Variants in MAP7 observed in about 807,000 individuals in gnomAD.
MAP7 encodes the protein ensconsin.
Under a neutral mutation model 94.8 loss-of-function variants are expected in MAP7, and 52 were observed. The observed-to-expected ratio is 0.55, with a 90% CI of 0.44 to 0.69. The LOEUF is 0.69. Ranked by LOEUF, MAP7 falls within the 30% of genes least tolerant of loss-of-function variation. The pLI is 0.00. For missense variants in MAP7, 940 were observed against 964.6 expected (o/e 0.97, Z 0.34); for synonymous variants, 350 against 357.0 (o/e 0.98, Z 0.22).
chr6:136,469,795 CA>C (rs2076124018), intron 1 of MAP7, among the ~76,000 whole-genome samples: 1 of 152,158 alleles, frequency 6.6e-6, no homozygotes, highest in African/African-American at 2.4e-5. Context: ...AAATGGAAAT[CA>C]AGGGGAAATA....
At chr6:136,406,916 C>A (rs1344573974) in intron 3 of MAP7, among the ~76,000 whole-genome samples, 1 of 152,170 alleles carries the variant, frequency 6.6e-6, no homozygotes, top group East Asian at 1.9e-4. Flanking sequence ...TTCTGAGATC[C>A]TCTCAGTTAC....
chr6:136,365,664 A>G lies in MAP7; in HGVS notation c.1273+71T>C, dbSNP rs1295231636. ...CCAATAAAAGAAGAAAAGGAAAACA[A>G]AAAAAGCTTCATCAAAACAGTGCGG... On this transcript the variant is annotated intron_variant, in intron 10 of 17. Transcript: ENST00000354570. 12 of 1,511,914 alleles carry G rather than the reference A, an allele frequency of 7.9e-6. No homozygotes were observed. The East Asian group carries it at 2.7e-4, about 34-fold the overall frequency. 93.7% of individuals were successfully genotyped at this position (1,511,914 alleles called of 1,614,324 possible).
intron 1 of MAP7, among the ~76,000 whole-genome samples, chr6:136,523,341 T>C (rs984070085): frequency 5.9e-5 from 9 of 152,208 alleles, no homozygotes; most frequent in African/African-American, 2.2e-4. Flanking sequence ...AACGTAACAA[T>C]GCTACAGACC....
chr6:136,498,446 T>C (rs1036111154), intron 1 of MAP7, among the ~76,000 whole-genome samples: 2 of 152,072 alleles, frequency 1.3e-5, no homozygotes, highest in Non-Finnish European at 2.9e-5. Flanking sequence ...TGTACTTTTC[T>C]TTCCAACTGA....
At chr6:136,406,546 T>A (rs772193339) in intron 3 of MAP7, among the ~76,000 whole-genome samples, 24 of 152,114 alleles carry the variant, frequency 1.6e-4, no homozygotes, top group Non-Finnish European at 3.4e-4. Flanking sequence ...AGGGGCTGGG[T>A]GTGGTGGCTC....
chr6:136,456,362 A>G (rs1034393673), intron 1 of MAP7, among the ~76,000 whole-genome samples: 1 of 152,134 alleles, frequency 6.6e-6, no homozygotes, highest in East Asian at 1.9e-4. Flanking sequence ...TTATAGCTAT[A>G]AATGCCTACA....
intron 1 of MAP7, among the ~76,000 whole-genome samples, chr6:136,473,239 C>T (rs1277239647): frequency 1.3e-5 from 2 of 152,170 alleles, no homozygotes; most frequent in African/African-American, 2.4e-5. Flanking sequence ...GATTAACCTT[C>T]TCTAACAGCA....
intron 3 of MAP7, among the ~76,000 whole-genome samples, chr6:136,410,320 C>T (rs1787049100): frequency 6.6e-6 from 1 of 152,184 alleles, no homozygotes; most frequent in Middle Eastern, 3.2e-3. Context: ...ATAACAGCCA[C>T]CCTAAAACAG....
intron 1 of MAP7, among the ~76,000 whole-genome samples, chr6:136,517,762 C>G (rs1646335743): frequency 7.3e-6 from 1 of 137,386 alleles, no homozygotes; most frequent in Admixed American, 7.1e-5. Context: ...AAACTCTGAC[C>G]TGTACCACTG....
chr6:136,453,348 A>G (rs1234466052), intron 1 of MAP7, among the ~76,000 whole-genome samples: 2 of 152,216 alleles, frequency 1.3e-5, no homozygotes, highest in Admixed American at 1.3e-4. Flanking sequence ...TAATTAATGA[A>G]CATCCTATGT....
intron 3 of MAP7, among the ~76,000 whole-genome samples, chr6:136,407,980 C>T (rs1190166798): frequency 6.6e-6 from 1 of 152,118 alleles, no homozygotes; most frequent in Admixed American, 6.6e-5. Context: ...TTTAGTTGTA[C>T]AGAAGTAGAG....
chr6:136,353,432 G>T (rs1295105392), intron 16 of MAP7, among the ~76,000 whole-genome samples: 3 of 152,220 alleles, frequency 2.0e-5, no homozygotes, highest in Non-Finnish European at 4.4e-5. Context: ...GAGAAGCAGT[G>T]AGTGAAATGA....
chr6:136,357,767 A>G lies in MAP7; in HGVS notation c.1913-973T>C, dbSNP rs139746369. ...CTCAGCCTCCCAAAGTGTTGGGATT[A>G]TAGGCATGAGCTACCTCACCTGGTC... On this transcript the variant is annotated intron_variant, in intron 15 of 17. Coordinates refer to ENST00000354570, the MANE Select transcript of MAP7 (RefSeq NM_003980.6). Among the ~76,000 whole-genome samples, 72 of 152,348 alleles carry G rather than the reference A, an allele frequency of 4.7e-4. 1 individual carries two copies. The East Asian group carries it at 0.013, about 28-fold the overall frequency.
intron 1 of MAP7, among the ~76,000 whole-genome samples, chr6:136,499,646 A>G (rs1364284949): frequency 1.3e-5 from 2 of 152,148 alleles, no homozygotes; most frequent in African/African-American, 4.8e-5. Context: ...CTTCCGGGCC[A>G]CAAGTATGTT....
chr6:136,352,247 G>A (rs1322532809), intron 16 of MAP7, among the ~76,000 whole-genome samples: 1 of 151,516 alleles, frequency 6.6e-6, no homozygotes, highest in African/African-American at 2.4e-5. Flanking sequence ...GAGTGCAGGG[G>A]CATGATCAAG....
At chr6:136,345,814 A>AT in intron 17 of MAP7, 42 bp downstream of exon 17, 1 of 1,487,844 alleles carries the variant, frequency 6.7e-7, no homozygotes, top group Non-Finnish European at 9.4e-7. Flanking sequence ...TGGGTGTCAG[A>AT]TATTTCTGAT....
At chr6:136,544,897 C>T (rs185656177) in intron 1 of MAP7, among the ~76,000 whole-genome samples, 242 of 152,220 alleles carry the variant, frequency 1.6e-3, no homozygotes, top group Non-Finnish European at 2.0e-3. Context: ...GAGTTCAAGT[C>T]CAGCCCAGGC....
intron 1 of MAP7, among the ~76,000 whole-genome samples, chr6:136,449,304 C>G (rs1800377156): frequency 6.6e-6 from 1 of 152,024 alleles, no homozygotes; most frequent in African/African-American, 2.4e-5. Flanking sequence ...AACAAACAAA[C>G]AAACAAACAA....
At chr6:136,446,665 C>G (rs1234832757) in intron 1 of MAP7, among the ~76,000 whole-genome samples, 3 of 152,218 alleles carry the variant, frequency 2.0e-5, no homozygotes, top group Admixed American at 2.0e-4. Flanking sequence ...CCAGGAATCT[C>G]ATTCACATAC....
Sources: allele counts gnomAD v4.1 joint callset (sites outside exome capture counted in the v4.1 genomes callset), GRCh38; gene constraint gnomAD v4.1.1; transcripts MANE v1.5; gene names NCBI Gene and HGNC (gene_info 2026-07-23, HGNC 2026-07-21).